The following COLGALT2 variants were observed in gnomAD, a reference collection of about 807,000 sequenced individuals.
COLGALT2 encodes procollagen galactosyltransferase 2.
Under a neutral mutation model 73.4 loss-of-function variants are expected in COLGALT2, and 49 were observed. The ratio of observed to expected loss-of-function variants is 0.67; its 90% CI spans 0.53 to 0.85. COLGALT2 has a LOEUF of 0.85. COLGALT2 is among the 40% of genes least tolerant of loss of function. The pLI, the probability that COLGALT2 is intolerant of heterozygous loss-of-function variation, is 0.00. For missense variants in COLGALT2, 722 were observed against 790.2 expected (o/e 0.91, Z 1.03); for synonymous variants, 295 against 307.6 (o/e 0.96, Z 0.43).
chr1:183,931,796 TAAA>T (rs760880492), downstream of COLGALT2, among the ~76,000 whole-genome samples: 31 of 130,422 alleles, frequency 2.4e-4, no homozygotes, highest in East Asian at 1.1e-3. Context: ...TGCAGCAAGT[TAAA>T]AAAAAAAAAA....
chr1:184,023,900 A>C (rs1401122136), intron 1 of COLGALT2, among the ~76,000 whole-genome samples: 2 of 152,114 alleles, frequency 1.3e-5, no homozygotes, highest in African/African-American at 4.8e-5. Context: ...GTTGTTCATG[A>C]AAAAAGATAG....
At chr1:184,021,447 G>A (rs1435775470) in intron 1 of COLGALT2, among the ~76,000 whole-genome samples, 14 of 152,176 alleles carry the variant, frequency 9.2e-5, no homozygotes, top group Admixed American at 9.2e-4. Context: ...TGAATGAGGG[G>A]GTTTGTTATC....
At chr1:183,964,837 T>A (rs7524554) in intron 5 of COLGALT2, among the ~76,000 whole-genome samples, 108,506 of 152,138 alleles carry the variant, frequency 0.71, 39,128 homozygotes, top group East Asian at 0.84. Flanking sequence ...TGATCAATGA[T>A]AAGACTGCTT....
intron 1 of COLGALT2, among the ~76,000 whole-genome samples, chr1:183,986,522 C>T (rs1671492453): frequency 6.6e-6 from 1 of 152,152 alleles, no homozygotes; most frequent in Admixed American, 6.5e-5. Flanking sequence ...AATTTCATCC[C>T]TAAATGGCAT....
At chr1:183,977,035 C>A (rs1461455910) in intron 2 of COLGALT2, among the ~76,000 whole-genome samples, 1 of 152,146 alleles carries the variant, frequency 6.6e-6, no homozygotes, top group African/African-American at 2.4e-5. Context: ...AAATATAAGT[C>A]TTAGGTGTTT....
chr1:184,034,398 C>T (rs4651165), intron 1 of COLGALT2, among the ~76,000 whole-genome samples: 30,045 of 151,788 alleles, frequency 0.2, 3,273 homozygotes, highest in East Asian at 0.47. Context: ...ACTAAGTGTC[C>T]ACTCATCAAG....
chr1:183,992,647 G>T (rs911881927), intron 1 of COLGALT2, among the ~76,000 whole-genome samples: 5 of 152,202 alleles, frequency 3.3e-5, no homozygotes, highest in African/African-American at 7.2e-5. Context: ...ATAGGTTTAA[G>T]AATCTTTGCT....
At chr1:183,940,399 T>C (rs144964021) in intron 11 of COLGALT2, among the ~76,000 whole-genome samples, 182 bp downstream of exon 11, 1 of 152,330 alleles carries the variant, frequency 6.6e-6, no homozygotes, top group East Asian at 1.9e-4. Context: ...CATCTCTGCC[T>C]CACCTTCCCA....
intron 1 of COLGALT2, among the ~76,000 whole-genome samples, chr1:183,995,260 G>GA (rs1464548379): frequency 3.3e-5 from 5 of 152,090 alleles, no homozygotes; most frequent in East Asian, 1.9e-4. Context: ...CTGATTGAGA[G>GA]AAAAAAATCT....
intron 8 of COLGALT2, chr1:183,945,842 T>G: frequency 2.4e-6 from 1 of 422,516 alleles, no homozygotes; most frequent in Non-Finnish European, 4.2e-6. Context: ...ATAAGTACAC[T>G]CCTATGGAAA....
intron 1 of COLGALT2, among the ~76,000 whole-genome samples, chr1:184,019,178 C>T (rs980023001): frequency 5.9e-5 from 9 of 152,172 alleles, no homozygotes; most frequent in South Asian, 4.1e-4. Context: ...CTTAAGGAAT[C>T]GAAGTCCACT....
rs182860294 is a variant in COLGALT2 at position 184,016,402 on chromosome 1, C to T, written c.263+20693G>A. Among the ~76,000 whole-genome samples the T allele has an allele frequency of 5.9e-5, 9 of 152,252 alleles. No homozygotes were observed. The South Asian group carries it at 8.3e-4, about 14-fold the overall frequency. On this transcript the variant is annotated intron_variant, in intron 1 of 11. Transcript: ENST00000361927. ...TTAGGCATGCTAATTTTATCAGCAG[C>T]GAGATTTCAGTGTTAAGGCTAAACT...
At chr1:183,984,003 G>A (rs758203967) in intron 1 of COLGALT2, among the ~76,000 whole-genome samples, 3 of 152,202 alleles carry the variant, frequency 2.0e-5, no homozygotes, top group East Asian at 1.9e-4. Flanking sequence ...CCATGTTTCC[G>A]GGAGGCTCAT....
intron 1 of COLGALT2, among the ~76,000 whole-genome samples, chr1:184,014,330 G>A (rs1458690924): frequency 2.0e-5 from 3 of 152,170 alleles, no homozygotes; most frequent in African/African-American, 7.2e-5. Context: ...CGAAGGCACT[G>A]TTATAAAAAA....
At chr1:183,955,765 T>A (rs534316322) in intron 6 of COLGALT2, among the ~76,000 whole-genome samples, 1 of 152,348 alleles carries the variant, frequency 6.6e-6, no homozygotes, top group African/African-American at 2.4e-5. Flanking sequence ...AAAGAAAATT[T>A]AAAATGATAG....
intron 1 of COLGALT2, among the ~76,000 whole-genome samples, chr1:183,980,880 A>C (rs1410511144): frequency 2.0e-5 from 3 of 152,176 alleles, no homozygotes; most frequent in Non-Finnish European, 4.4e-5. Flanking sequence ...AAGAATTTTC[A>C]ATATGAAGGA....
At chr1:183,989,408 C>T (rs1400874434) in intron 1 of COLGALT2, among the ~76,000 whole-genome samples, 4 of 152,136 alleles carry the variant, frequency 2.6e-5, no homozygotes, top group East Asian at 1.9e-4. Flanking sequence ...GGAGCCAGCG[C>T]GACCACAGGG....
downstream of COLGALT2, among the ~76,000 whole-genome samples, chr1:183,931,743 C>T (rs908876733): frequency 4.0e-5 from 6 of 150,212 alleles, no homozygotes; most frequent in East Asian, 1.9e-4. Flanking sequence ...TCATTATGTG[C>T]TACAGTTCCA....
intron 1 of COLGALT2, among the ~76,000 whole-genome samples, chr1:184,000,792 C>T (rs908091211): frequency 5.4e-5 from 8 of 149,176 alleles, no homozygotes; most frequent in Admixed American, 1.3e-4. Flanking sequence ...GCTAGGTGTA[C>T]AATTCTAAGA....
Sources: gnomAD v4.1 joint callset for allele counts (sites outside exome capture counted in the v4.1 genomes callset) on GRCh38, gnomAD v4.1.1 for gene constraint, MANE v1.5 for transcripts, NCBI Gene and HGNC (gene_info 2026-07-23, HGNC 2026-07-21) for gene names.